The following IMMP2L variants were observed in gnomAD, a reference collection of about 807,000 sequenced individuals.
IMMP2L encodes the protein inner mitochondrial membrane peptidase subunit 2.
A neutral mutation model predicts 19.3 loss-of-function variants in IMMP2L; 18 were observed. The ratio of observed to expected loss-of-function variants is 0.93; its 90% CI spans 0.64 to 1.38. The LOEUF (loss-of-function observed/expected upper bound fraction) is 1.38. Ranked by LOEUF, IMMP2L falls within the 40% of genes most tolerant of loss-of-function variation. The probability of loss-of-function intolerance (pLI) is 0.00; values close to 1 mark genes in which losing one functional copy is unlikely to be tolerated. For synonymous variants in IMMP2L, 76 were observed against 73.0 expected (o/e 1.04, Z -0.21); for missense variants, 233 against 218.2 (o/e 1.07, Z -0.43).
At chr7:111,521,516 C>T (rs1846330228) in intron 1 of IMMP2L, 67 bp from the exon 2 acceptor site, 1 of 1,444,704 alleles carries the variant, frequency 6.9e-7, no homozygotes, top group Non-Finnish European at 9.4e-7. Flanking sequence ...GACATAAAAA[C>T]AGTACATGAA....
At chr7:111,182,103 A>G (rs1238754006) in intron 3 of IMMP2L, among the ~76,000 whole-genome samples, 1 of 151,980 alleles carries the variant, frequency 6.6e-6, no homozygotes, top group Non-Finnish European at 1.5e-5. Flanking sequence ...AGTCCATGGA[A>G]TTGATACATA....
At chr7:111,059,363 T>A (rs1793803852) in intron 3 of IMMP2L, among the ~76,000 whole-genome samples, 1 of 152,186 alleles carries the variant, frequency 6.6e-6, no homozygotes, top group Non-Finnish European at 1.5e-5. Context: ...TGAAATTAAG[T>A]GTATTGTTTA....
chr7:111,432,526 T>C (rs1027302138), intron 3 of IMMP2L, among the ~76,000 whole-genome samples: 6 of 151,728 alleles, frequency 4.0e-5, no homozygotes, highest in African/African-American at 1.5e-4. Context: ...GGCTTCGTGA[T>C]AAAAATCCTC....
rs543215578 is a variant in IMMP2L, at chr7:110,668,861, T to G, written c.409-5140A>C. Among the ~76,000 whole-genome samples, 12 of 152,030 alleles carry G rather than the reference T, an allele frequency of 7.9e-5. No individual in the cohort carries two copies. The East Asian group carries it at 2.1e-3, about 27-fold the overall frequency. On this transcript the variant is annotated intron_variant, in intron 5 of 5. Coordinates refer to ENST00000405709, the MANE Select transcript of IMMP2L (RefSeq NM_032549.4). ...TGTCTTGTCATGGATCTTCATTTTT[T>G]AAAATTGATATGTCTATAGGCAGGC...
chr7:110,930,520 A>G (rs1585311321), intron 4 of IMMP2L, among the ~76,000 whole-genome samples: 1 of 152,150 alleles, frequency 6.6e-6, no homozygotes, highest in Admixed American at 6.6e-5. Flanking sequence ...TAGGTAGGTT[A>G]TATTATTTCT....
chr7:110,897,887 T>C (rs1443216508), intron 4 of IMMP2L, among the ~76,000 whole-genome samples: 1 of 152,050 alleles, frequency 6.6e-6, no homozygotes, highest in Non-Finnish European at 1.5e-5. Flanking sequence ...TATGCAAATG[T>C]GAATGTGAAT....
Position 111,053,804 on chromosome 7 carries a change from T to C in IMMP2L, c.240-90239A>G, listed in dbSNP as rs80020591. 3.0e-4 allele frequency among the ~76,000 whole-genome samples: 46 copies of C among 152,348 alleles called. No individual in the cohort carries two copies. In the East Asian group the frequency reaches 8.3e-3, roughly 27 times the overall value. On this transcript the variant is annotated intron_variant, in intron 3 of 5. Transcript: ENST00000405709. ...AATCTGCTATAAATAAGTGTATCTC[T>C]GCTGTGTCAATTCCACAAGACTTAA...
chr7:110,682,128 G>A (rs893903217), intron 5 of IMMP2L, among the ~76,000 whole-genome samples: 2 of 152,180 alleles, frequency 1.3e-5, no homozygotes, highest in East Asian at 3.9e-4. Flanking sequence ...ATGCCTCCTT[G>A]AAAACTCTCA....
chr7:111,336,306 A>G (rs1260548957), intron 3 of IMMP2L, among the ~76,000 whole-genome samples: 3 of 151,674 alleles, frequency 2.0e-5, no homozygotes, highest in Non-Finnish European at 4.4e-5. Flanking sequence ...CACCCACCTC[A>G]GCCTCCCAAA....
rs1794578124 is a variant in IMMP2L, at chr7:110,705,305, CA to C, written c.409-41585del. On this transcript the variant is annotated intron_variant, in intron 5 of 5. Transcript: ENST00000405709. Reference sequence around the variant, plus strand: ...AGTATACTAGAATGTTTTAGGTGAACAAAGAGTAAACACATGATTATGTCTC... The same window carrying C: ...AGTATACTAGAATGTTTTAGGTGAACAAGAGTAAACACATGATTATGTCTC... Among the ~76,000 whole-genome samples, 6 of 151,956 alleles carry C rather than the reference CA, an allele frequency of 3.9e-5. No homozygotes were observed. The South Asian group carries it at 1.2e-3, about 32-fold the overall frequency.
intron 2 of IMMP2L, among the ~76,000 whole-genome samples, chr7:111,508,681 G>A (rs1334243818): frequency 6.6e-6 from 1 of 152,148 alleles, no homozygotes; most frequent in African/African-American, 2.4e-5. Context: ...TGCAAAAAAT[G>A]TTAAAGCAAA....
rs185714548 is a variant in IMMP2L, at chr7:111,008,818, A to G, written c.240-45253T>C. 1.8e-3 allele frequency among the ~76,000 whole-genome samples: 269 copies of G among 152,208 alleles called. 1 individual carries two copies. Among genetic ancestry groups the G allele is most frequent in the African/African-American group, 5.3e-3 (220 of 41,542 alleles). On this transcript the variant is annotated intron_variant, in intron 3 of 5. Transcript: ENST00000405709. ...TGTGAGAAGGTTCAGCAAAGTTACA[A>G]TGGAAAGATACAATATGGGCTAGTC...
chr7:111,430,374 A>T (rs1392705734), intron 3 of IMMP2L, among the ~76,000 whole-genome samples: 7 of 151,792 alleles, frequency 4.6e-5, no homozygotes, highest in Admixed American at 4.6e-4. Flanking sequence ...AATAAAAAGC[A>T]TATAAATTTA....
chr7:111,352,345 A>T (rs1005246322), intron 3 of IMMP2L, among the ~76,000 whole-genome samples: 4 of 151,120 alleles, frequency 2.6e-5, no homozygotes, highest in Non-Finnish European at 5.9e-5. Flanking sequence ...TAATGCAGGT[A>T]CATGCCACCA....
chr7:111,026,474 CAG>C (rs1182100946), intron 3 of IMMP2L, among the ~76,000 whole-genome samples: 1 of 152,016 alleles, frequency 6.6e-6, no homozygotes, highest in African/African-American at 2.4e-5. Context: ...GAGTGTATAA[CAG>C]AGAGGGGAAA....
chr7:110,862,927 T>A (rs907336599), intron 5 of IMMP2L, among the ~76,000 whole-genome samples: 1 of 151,970 alleles, frequency 6.6e-6, no homozygotes, highest in Admixed American at 6.6e-5. Context: ...ATATAAAAAA[T>A]TCAGATTCCT....
At chr7:111,026,787 A>T (rs1826873970) in intron 3 of IMMP2L, among the ~76,000 whole-genome samples, 1 of 152,124 alleles carries the variant, frequency 6.6e-6, no homozygotes, top group Non-Finnish European at 1.5e-5. Context: ...TTCTTTTGGC[A>T]TGCTGTTAGT....
At chr7:111,152,346 T>C (rs1461594377) in intron 3 of IMMP2L, among the ~76,000 whole-genome samples, 2 of 152,136 alleles carry the variant, frequency 1.3e-5, no homozygotes, top group Non-Finnish European at 2.9e-5. Context: ...TTGCCTCTTA[T>C]GTATAACTTT....
In IMMP2L at chr7:110,877,637, C is replaced by G. The variant is rs1345463850; in HGVS notation, c.408+8956G>C. The stretch of plus-strand genomic sequence containing the variant: ...TGACTGCCCTGCTAATGACTTTACA[C>G]TAGCTATTTTGAGCCAGACTGCGCT... On this transcript the variant is annotated intron_variant, in intron 5 of 5. Coordinates refer to ENST00000405709, the MANE Select transcript of IMMP2L (RefSeq NM_032549.4). This position sits in a 1 kb window ranked among gnomAD's most constrained non-coding sequence, Gnocchi z 4.0. 1.3e-5 allele frequency among the ~76,000 whole-genome samples: 2 copies of G among 152,154 alleles called. No individual in the cohort carries two copies. Among genetic ancestry groups the G allele is most frequent in the Non-Finnish European group, 2.9e-5 (2 of 68,020 alleles).
Sources: gnomAD v4.1 joint callset for allele counts (sites outside exome capture counted in the v4.1 genomes callset) on GRCh38, gnomAD v4.1.1 for gene constraint, Gnocchi (gnomAD v3.1) non-coding constraint, MANE v1.5 for transcripts, NCBI Gene and HGNC (gene_info 2026-07-23, HGNC 2026-07-21) for gene names.